PCDH11X: variants seen among roughly 807,000 people sequenced by gnomAD.
PCDH11X encodes protocadherin 11 X-linked, also known as protocadherin-11 X-linked.
PCDH11X carries 18 observed loss-of-function variants against 53.3 expected under a neutral mutation model. The observed-to-expected ratio is 0.34, with a 90% CI of 0.23 to 0.50. The LOEUF (loss-of-function observed/expected upper bound fraction) is 0.50. Among genes scored for constraint, PCDH11X ranks in the 20% least tolerant of loss-of-function variants. PCDH11X has a pLI of 0.98. For synonymous variants in PCDH11X, 279 were observed against 393.3 expected, an observed-to-expected ratio of 0.71 and a Z score of 3.44; for missense variants, 570 against 1,032.4, an observed-to-expected ratio of 0.55 and a Z score of 6.14.
At chrX:91,961,400 G>T (rs1187349087) in intron 6 of PCDH11X, among the ~76,000 whole-genome samples, 1 of 110,520 alleles carries the variant, frequency 9.0e-6, no homozygotes, top group Non-Finnish European at 1.9e-5. Context: ...TCAGGAGCAA[G>T]GATGTCCACT....
chrX:92,256,028 C>G lies in PCDH11X; in HGVS notation c.3115-7086C>G, dbSNP rs545391183. ...CTGGGCAATGGCGGGCGCCCCTCCC[C>G]CAGCCTCGCTGCCGCCTTGCAGTTT... On this transcript the variant is annotated intron_variant, in intron 7 of 10. Transcript: ENST00000682573. Among the ~76,000 whole-genome samples the G allele has an allele frequency of 3.9e-4, 44 of 112,393 alleles. No homozygotes were observed. In the South Asian group the frequency reaches 4.8e-3, roughly 12 times the overall value.
intron 10 of PCDH11X, among the ~76,000 whole-genome samples, chrX:92,497,142 G>A (rs2073874270): frequency 9.1e-6 from 1 of 110,365 alleles, no homozygotes; most frequent in Admixed American, 9.8e-5. Context: ...GGAGGAAGTT[G>A]TTGGGTGAAG....
At chrX:92,600,825 C>T (rs1203330739) in intron 10 of PCDH11X, among the ~76,000 whole-genome samples, 5 of 103,683 alleles carry the variant, frequency 4.8e-5, no homozygotes, top group Non-Finnish European at 2.0e-5. Flanking sequence ...CTGTACTCTG[C>T]AAAGCCACAG....
intron 6 of PCDH11X, among the ~76,000 whole-genome samples, chrX:91,998,223 C>T (rs1027602275): frequency 5.5e-5 from 6 of 109,441 alleles, no homozygotes; most frequent in East Asian, 2.9e-4. Context: ...CATGAGCCAC[C>T]GCACACAGCA....
chrX:92,167,585 G>C (rs2065756337), intron 6 of PCDH11X, among the ~76,000 whole-genome samples: 1 of 111,571 alleles, frequency 9.0e-6, no homozygotes, highest in Non-Finnish European at 1.9e-5. Context: ...ACAGAACAAA[G>C]TTATAGAATA....
intron 6 of PCDH11X, among the ~76,000 whole-genome samples, chrX:92,072,823 A>T (rs2063723349): frequency 9.0e-6 from 1 of 110,705 alleles, no homozygotes. Flanking sequence ...GACACATGCC[A>T]CTCTGTTCAC....
chrX:91,885,693 A>G (rs1259082940), intron 6 of PCDH11X, among the ~76,000 whole-genome samples: 1 of 110,288 alleles, frequency 9.1e-6, no homozygotes, highest in African/African-American at 3.3e-5. Flanking sequence ...GGTCCTAATC[A>G]CTCCTTTGTA....
chrX:91,966,982 A>T (rs1384756698), intron 6 of PCDH11X, among the ~76,000 whole-genome samples: 8 of 39,795 alleles, frequency 2.0e-4, no homozygotes, highest in African/African-American at 4.7e-4. Flanking sequence ...CTCAACCCCC[A>T]CCCCCCACCC....
intron 6 of PCDH11X, among the ~76,000 whole-genome samples, chrX:91,984,675 T>C (rs2062200283): frequency 9.0e-6 from 1 of 111,523 alleles, no homozygotes; most frequent in African/African-American, 3.3e-5. Flanking sequence ...GTGAGTAGTA[T>C]AAATTCAGAC....
chrX:92,174,243 A>G (rs1344078948), intron 6 of PCDH11X, among the ~76,000 whole-genome samples: 1 of 110,248 alleles, frequency 9.1e-6, no homozygotes, highest in Non-Finnish European at 1.9e-5. Flanking sequence ...AAAAAACCTC[A>G]TAAAACCTGG....
At chrX:92,263,326 C>T (rs2067759206) in intron 8 of PCDH11X, among the ~76,000 whole-genome samples, 183 bp downstream of exon 8, 1 of 111,514 alleles carries the variant, frequency 9.0e-6, no homozygotes, top group Non-Finnish European at 1.9e-5. Flanking sequence ...GTTCTGGAAA[C>T]AATTTCGAGT....
At chrX:91,885,847 C>T (rs1169682198) in intron 6 of PCDH11X, among the ~76,000 whole-genome samples, 2 of 111,796 alleles carry the variant, frequency 1.8e-5, no homozygotes, top group Admixed American at 9.5e-5. Context: ...TAGAATGCAG[C>T]GTCTCTGAGA....
At chrX:92,293,400 A>G (rs778856812) in intron 8 of PCDH11X, among the ~76,000 whole-genome samples, 20 of 110,286 alleles carry the variant, frequency 1.8e-4, no homozygotes, top group African/African-American at 4.3e-4. Context: ...CAAGGCGGGC[A>G]GATCATGAGG....
chrX:91,924,534 A>G (rs1941865757), intron 6 of PCDH11X, among the ~76,000 whole-genome samples: 1 of 111,992 alleles, frequency 8.9e-6, no homozygotes, highest in Non-Finnish European at 1.9e-5. Context: ...AAAGTAATAC[A>G]CGCACACACA....
intron 10 of PCDH11X, among the ~76,000 whole-genome samples, chrX:92,479,006 T>C (rs775747096): frequency 9.1e-5 from 10 of 109,930 alleles, no homozygotes; most frequent in South Asian, 3.9e-4. Flanking sequence ...GTCACTTTGA[T>C]GATCTCTAAG....
chrX:91,796,693 T>C (rs1427009074), intron 1 of PCDH11X, among the ~76,000 whole-genome samples: 1 of 111,882 alleles, frequency 8.9e-6, no homozygotes, highest in African/African-American at 3.2e-5. Flanking sequence ...ATGCCAAATT[T>C]ACCAAAATAA....
intron 7 of PCDH11X, among the ~76,000 whole-genome samples, chrX:92,261,737 T>G (rs1430131380): frequency 1.8e-5 from 2 of 112,246 alleles, no homozygotes; most frequent in Non-Finnish European, 3.8e-5. Context: ...GTCCTTGAGA[T>G]TATTTCTTTT....
chrX:92,584,343 T>G, intron 10 of PCDH11X, among the ~76,000 whole-genome samples: 1 of 111,459 alleles, frequency 9.0e-6, no homozygotes, highest in East Asian at 2.8e-4. Flanking sequence ...TTGAAATATT[T>G]AATAAAATTT....
At chrX:92,297,425 T>C (rs1350422206) in intron 8 of PCDH11X, among the ~76,000 whole-genome samples, 1 of 109,845 alleles carries the variant, frequency 9.1e-6, no homozygotes, top group Non-Finnish European at 1.9e-5. Context: ...ATTGCTTGTT[T>C]TTGTCGACTT....
Sources: allele counts gnomAD v4.1 joint callset (sites outside exome capture counted in the v4.1 genomes callset), GRCh38; gene constraint gnomAD v4.1.1; transcripts MANE v1.5; gene names NCBI Gene and HGNC (gene_info 2026-07-23, HGNC 2026-07-21).